Variants in TRA2B observed in about 807,000 individuals in gnomAD.
The protein encoded by TRA2B is transformer 2 beta homolog.
A neutral mutation model predicts 41.7 loss-of-function variants in TRA2B; 14 were observed. The observed-to-expected ratio is 0.34, with a 90% CI of 0.22 to 0.53. The LOEUF (loss-of-function observed/expected upper bound fraction) is 0.53. Ranked by LOEUF, TRA2B falls within the 20% of genes least tolerant of loss-of-function variation. The pLI is 0.95. For missense variants in TRA2B, 167 were observed against 396.8 expected, an observed-to-expected ratio of 0.42 and a Z score of 4.92; for synonymous variants, 130 against 128.8, an observed-to-expected ratio of 1.01 and a Z score of -0.06.
chr3:185,926,968 A>G, intron 1 of TRA2B: 1 of 439,122 alleles, frequency 2.3e-6, no homozygotes, highest in South Asian at 2.5e-5. Context: ...GAGTTATTTG[A>G]CCCCACTTCC....
chr3:185,914,867 C>G lies in TRA2B; in HGVS notation c.*2848G>C, dbSNP rs1445080701. Among the ~76,000 whole-genome samples the G allele has an allele frequency of 6.6e-6, 1 of 152,048 alleles. No homozygotes were observed. Among genetic ancestry groups the G allele is most frequent in the Non-Finnish European group, 1.5e-5 (1 of 68,004 alleles). Reference sequence around the variant, plus strand: ...TTTTTATTTCTTCTCGGTGAAACTTCTAATTCTCAATTTCTCCTCCTGGGC... The same window carrying G: ...TTTTTATTTCTTCTCGGTGAAACTTGTAATTCTCAATTTCTCCTCCTGGGC... On this transcript the variant is annotated 3_prime_UTR_variant, in exon 9 of 9. Transcript: ENST00000453386.
chr3:185,923,998 AAAG>A lies in TRA2B; in HGVS notation c.334-17_334-15del. The A allele has an allele frequency of 6.3e-7, 1 of 1,584,922 alleles. No homozygotes were observed. The highest frequency in any genetic ancestry group is 1.4e-5 in the African/African-American group (1 of 73,104). On this transcript the variant is annotated splice_polypyrimidine_tract_variant and intron_variant, in intron 3 of 8. Transcript: ENST00000453386. ...ATCAGGATTTGCCTAGGGAAAAAAA[AAAG>A]TTTTAAACTTTGGAAAAGTTGTCAT...
chr3:185,930,389 T>TA (rs527604343), intron 1 of TRA2B, among the ~76,000 whole-genome samples: 131 of 152,252 alleles, frequency 8.6e-4, no homozygotes, highest in African/African-American at 3.1e-3. Context: ...CAAAACTTCT[T>TA]AAGAGAAAAT....
At chr3:185,935,576 G>A (rs762941907) in intron 1 of TRA2B, 31 of 985,316 alleles carry the variant, frequency 3.1e-5, no homozygotes, top group South Asian at 4.7e-5. Context: ...AAATAAGGGA[G>A]AATTCCACTG....
intron 4 of TRA2B, chr3:185,922,396 A>C (rs2150113226): frequency 3.8e-6 from 1 of 263,496 alleles, no homozygotes; most frequent in Non-Finnish European, 7.1e-6. Context: ...CAATTGGCAA[A>C]CTATAGCCTG....
At position 185,917,632 on chromosome 3, in the gene TRA2B, A is replaced by C. The variant is rs1743549863; in HGVS notation, c.*83T>G. 2 of 1,502,662 alleles carry C rather than the reference A, an allele frequency of 1.3e-6. No homozygotes were observed. Among genetic ancestry groups the C allele is most frequent in the Non-Finnish European group, 1.8e-6 (2 of 1,086,836 alleles). The allele number at this position is 1,502,662 out of a possible 1,614,324, so 93.1% of individuals were successfully genotyped here. A position where few individuals can be genotyped will look rare whatever the true frequency, so the allele number is the denominator to read the frequency against. ...CACCTAACTTCACTAGGCACTGTTC[A>C]CTTTTTAAACAAGAGACAATAAAAA... On this transcript the variant is annotated 3_prime_UTR_variant, in exon 9 of 9. Coordinates refer to ENST00000453386, the MANE Select transcript of TRA2B (RefSeq NM_004593.3).
chr3:185,931,210 G>A (rs1744143067), intron 1 of TRA2B, among the ~76,000 whole-genome samples: 1 of 152,206 alleles, frequency 6.6e-6, no homozygotes, highest in Non-Finnish European at 1.5e-5. Context: ...CAGTACTGAA[G>A]GAAAGGGGAC....
Position 185,921,182 on chromosome 3 carries a change from C to A in TRA2B, c.644G>T (p.Ser215Ile). The stretch of plus-strand genomic sequence containing the variant: ...GTCATAGTAATCCCGACGGCGAGAG[C>A]TGCCACTATGAAGAAAAAAATATTC... ...GIYMGRPTYG[S>I]SRRRDYYDRG... The change falls in exon 6 of 9, where the codon AGC becomes ATC. Residue 215 changes from serine (S) to isoleucine (I), a missense_variant. Ser to Ile is a moderately radical substitution (Grantham distance 142). This residue lies in a region of TRA2B where 23 missense variants were observed against 39.7 expected (regional missense o/e 0.58). Coordinates refer to ENST00000453386, the MANE Select transcript of TRA2B (RefSeq NM_004593.3). 6.2e-7 allele frequency: 1 copy of A among 1,614,066 alleles called. No homozygotes were observed. Among genetic ancestry groups the A allele is most frequent in the Non-Finnish European group, 8.5e-7 (1 of 1,180,010 alleles).
chr3:185,935,855 A>C (rs368490752), intron 1 of TRA2B: 7 of 985,446 alleles, frequency 7.1e-6, no homozygotes, highest in Middle Eastern at 5.2e-4. Flanking sequence ...TCACAACGTA[A>C]AAGTTTAGAG....
At chr3:185,934,375 T>C (rs1744266665) in intron 1 of TRA2B, 3 of 985,196 alleles carry the variant, frequency 3.0e-6, no homozygotes, top group Middle Eastern at 5.2e-4. Flanking sequence ...CATTAACACT[T>C]CCCCCACCAC....
At chr3:185,920,911 T>G (rs1001456712) in intron 6 of TRA2B, among the ~76,000 whole-genome samples, 193 bp downstream of exon 6, 5 of 152,004 alleles carry the variant, frequency 3.3e-5, no homozygotes, top group Non-Finnish European at 7.4e-5. Context: ...TCTAGAATAT[T>G]TGAACAGAAA....
chr3:185,922,482 G>GT (rs1389011147), intron 4 of TRA2B: 2 of 160,444 alleles, frequency 1.2e-5, no homozygotes, highest in African/African-American at 4.8e-5. Flanking sequence ...GGGAAAAACA[G>GT]TATTTCATGA....
At chr3:185,925,667 A>T in intron 2 of TRA2B, 41 bp from the exon 3 acceptor site, 1 of 1,573,894 alleles carries the variant, frequency 6.4e-7, no homozygotes. Context: ...CTGAAAACAA[A>T]TATTGTCTTC....
intron 1 of TRA2B, chr3:185,927,688 T>C (rs956755587): frequency 1.3e-5 from 2 of 152,170 alleles, no homozygotes; most frequent in African/African-American, 4.8e-5. Context: ...AGGGGGGATT[T>C]GTAATGAAAA....
chr3:185,933,793 T>C (rs1451580955), intron 1 of TRA2B, among the ~76,000 whole-genome samples: 4 of 145,582 alleles, frequency 2.7e-5, no homozygotes, highest in African/African-American at 4.9e-5. Context: ...CTTGTAAATA[T>C]AGCACAGACT....
At chr3:185,924,884 T>G (rs927862726) in intron 3 of TRA2B, 6 of 152,076 alleles carry the variant, frequency 3.9e-5, no homozygotes, top group Non-Finnish European at 8.8e-5. Context: ...TGTGATGAAT[T>G]TACCTAAAGA....
intron 1 of TRA2B, chr3:185,928,118 A>G (rs1407205172): frequency 1.3e-5 from 2 of 152,254 alleles, no homozygotes; most frequent in Non-Finnish European, 2.9e-5. Context: ...ATTACAGCTC[A>G]AAACACTTTA....
At chr3:185,926,824 G>C (rs1743970851) in intron 1 of TRA2B, 90 bp from the exon 2 acceptor site, 1 of 1,484,430 alleles carries the variant, frequency 6.7e-7, no homozygotes, top group Middle Eastern at 2.0e-4. Context: ...GTGAGGGACA[G>C]CAATCCCCTT....
chr3:185,928,088 A>G lies in TRA2B; in HGVS notation c.37-1354T>C, dbSNP rs1050997583. ...GAGTATTCTGGACATTCTTGAAAGG[A>G]CAGTAGAGGATTATTCTAAATTACA... On this transcript the variant is annotated intron_variant, in intron 1 of 8. Transcript: ENST00000453386. The G allele has an allele frequency of 2.0e-5, 3 of 152,342 alleles. No homozygotes were observed. The East Asian group carries it at 5.8e-4, about 29-fold the overall frequency. The allele number at this position is 152,342 out of a possible 1,614,324, so 9.4% of individuals were successfully genotyped here.
Sources: gnomAD v4.1 joint callset for allele counts (sites outside exome capture counted in the v4.1 genomes callset) on GRCh38, gnomAD v4.1.1 for gene constraint, gnomAD v4.1.1 regional missense constraint, MANE v1.5 for transcripts, NCBI Gene and HGNC (gene_info 2026-07-23, HGNC 2026-07-21) for gene names.